Variants in DNAAF9 observed in about 807,000 individuals in gnomAD.
DNAAF9 encodes shulin.
In DNAAF9, 90 loss-of-function variants were observed where a neutral mutation model predicts 167.0. That is an observed-to-expected ratio of 0.54 (90% CI 0.45 to 0.64). The LOEUF (loss-of-function observed/expected upper bound fraction) is 0.64, where lower values mean the gene tolerates loss of function less well. Ranked by LOEUF, DNAAF9 falls within the 30% of genes least tolerant of loss-of-function variation. DNAAF9 has a pLI of 0.00. For missense variants in DNAAF9, 1,315 were observed against 1,442.2 expected (o/e 0.91, Z 1.43); for synonymous variants, 491 against 508.8 (o/e 0.96, Z 0.47).
chr20:3,395,174 T>C (rs866127072), intron 1 of DNAAF9, among the ~76,000 whole-genome samples: 3 of 149,210 alleles, frequency 2.0e-5, no homozygotes, highest in Middle Eastern at 3.4e-3. Flanking sequence ...GGTTTCACCG[T>C]GTTAGCCAGG....
Position 3,302,440 on chromosome 20 carries a change from C to T in DNAAF9, c.1782+2000G>A, listed in dbSNP as rs1022716044. On this transcript the variant is annotated intron_variant, in intron 21 of 36. Transcript: ENST00000252032. ...TGAACACCTTATTGTTGACTGCAGG[C>T]ACCCTACTGTGCAACAGAACACTAG... Among the ~76,000 whole-genome samples the T allele has an allele frequency of 3.3e-5, 5 of 152,144 alleles. No individual in the cohort carries two copies. The South Asian group carries it at 6.2e-4, about 19-fold the overall frequency.
chr20:3,262,531 G>A (rs557173849), intron 31 of DNAAF9, among the ~76,000 whole-genome samples: 47 of 152,272 alleles, frequency 3.1e-4, no homozygotes, highest in Admixed American at 5.2e-4. Flanking sequence ...TTACAGGTGT[G>A]AGCCACCACA....
At chr20:3,355,291 G>A (rs1473783347) in intron 7 of DNAAF9, among the ~76,000 whole-genome samples, 2 of 152,152 alleles carry the variant, frequency 1.3e-5, no homozygotes, top group Non-Finnish European at 2.9e-5. Flanking sequence ...TGTTTAAACA[G>A]AGGTTGGGTT....
At chr20:3,302,998 G>A (rs1189354493) in intron 21 of DNAAF9, among the ~76,000 whole-genome samples, 1 of 152,134 alleles carries the variant, frequency 6.6e-6, no homozygotes, top group Non-Finnish European at 1.5e-5. Context: ...CAGCACTTTG[G>A]GAGGCCGAGG....
intron 23 of DNAAF9, chr20:3,295,379 C>T (rs575047214): frequency 3.3e-4 from 65 of 199,326 alleles, no homozygotes; most frequent in Non-Finnish European, 5.3e-4. Context: ...GAGGTTTCAC[C>T]TTGTTGGCCA....
intron 7 of DNAAF9, among the ~76,000 whole-genome samples, chr20:3,353,639 C>A (rs1182907492): frequency 6.0e-5 from 6 of 99,802 alleles, no homozygotes; most frequent in Non-Finnish European, 9.7e-5. Flanking sequence ...CCGCACCACC[C>A]CCCCCCCCGC....
intron 17 of DNAAF9, among the ~76,000 whole-genome samples, chr20:3,317,494 C>T (rs2069525627): frequency 6.6e-6 from 1 of 151,926 alleles, no homozygotes; most frequent in Non-Finnish European, 1.5e-5. Context: ...AATTATCAGG[C>T]TCATTCTACC....
chr20:3,371,285 T>C (rs2083503468), intron 6 of DNAAF9, among the ~76,000 whole-genome samples: 2 of 150,516 alleles, frequency 1.3e-5, no homozygotes, highest in African/African-American at 2.4e-5. Context: ...TCCTAAAAAG[T>C]ACCAAAAAGA....
chr20:3,373,767 T>C (rs1416096177), intron 6 of DNAAF9, among the ~76,000 whole-genome samples: 3 of 152,000 alleles, frequency 2.0e-5, no homozygotes, highest in Admixed American at 1.3e-4. Context: ...GAAAAGTCAA[T>C]CTAGGGGGCT....
At chr20:3,297,889 G>C in intron 22 of DNAAF9, 140 bp downstream of exon 22, 1 of 681,284 alleles carries the variant, frequency 1.5e-6, no homozygotes, top group South Asian at 1.8e-5. Flanking sequence ...GGGATTAGAA[G>C]CAGTCACCCC....
chr20:3,350,889 T>C (rs2070309744), intron 7 of DNAAF9, among the ~76,000 whole-genome samples: 1 of 152,112 alleles, frequency 6.6e-6, no homozygotes, highest in African/African-American at 2.4e-5. Flanking sequence ...AAATACAATA[T>C]ACATATATAC....
At chr20:3,312,760 T>G (rs2069437209) in intron 20 of DNAAF9, among the ~76,000 whole-genome samples, 1 of 152,148 alleles carries the variant, frequency 6.6e-6, no homozygotes, top group Non-Finnish European at 1.5e-5. Context: ...CCACAAAACC[T>G]ACATCAGCTC....
At chr20:3,272,767 G>T (rs1441394206) in intron 29 of DNAAF9, among the ~76,000 whole-genome samples, 1 of 152,060 alleles carries the variant, frequency 6.6e-6, no homozygotes, top group African/African-American at 2.4e-5. Context: ...ACTTAAAAAA[G>T]ATTCAATGCT....
intron 29 of DNAAF9, among the ~76,000 whole-genome samples, chr20:3,271,364 G>A (rs1314469871): frequency 6.6e-6 from 1 of 152,030 alleles, no homozygotes; most frequent in Admixed American, 6.6e-5. Context: ...TTTTAGTCAC[G>A]TGGTAAGAAA....
At chr20:3,373,605 T>C (rs2083538173) in intron 6 of DNAAF9, among the ~76,000 whole-genome samples, 2 of 152,384 alleles carry the variant, frequency 1.3e-5, no homozygotes, top group South Asian at 4.1e-4. Flanking sequence ...TCTTGAATAG[T>C]TCTCAAATTA....
chr20:3,256,171 G>T lies in DNAAF9; in HGVS notation c.3096C>A (p.Ala1032=). Residue 1032 remains alanine, a synonymous_variant, in exon 34 of 37, where the codon GCC becomes GCA. Coordinates refer to ENST00000252032, the MANE Select transcript of DNAAF9 (RefSeq NM_001009984.3). ...RTMEVCYNTL[A]NSLSIMPVLE... is the part of the protein sequence containing the mutation. ...AAACTGGCATGATGCTCAAGGAGTT[G>T]GCCAGTGTGTTGTAGCAGACCTCCA... is the stretch of plus-strand genomic sequence containing the variant. 1 of 1,614,190 alleles carries T rather than the reference G, an allele frequency of 6.2e-7. No homozygotes were observed. Among genetic ancestry groups the T allele is most frequent in the Non-Finnish European group, 8.5e-7 (1 of 1,180,016 alleles).
At chr20:3,370,384 G>A (rs1460765142) in intron 6 of DNAAF9, among the ~76,000 whole-genome samples, 2 of 152,002 alleles carry the variant, frequency 1.3e-5, no homozygotes, top group East Asian at 3.9e-4. Flanking sequence ...AAGTAGGTGG[G>A]ACTGTAGGTA....
At chr20:3,344,949 G>A (rs1204650474) in intron 8 of DNAAF9, among the ~76,000 whole-genome samples, 1 of 152,106 alleles carries the variant, frequency 6.6e-6, no homozygotes, top group Non-Finnish European at 1.5e-5. Flanking sequence ...CATGTTCAGT[G>A]GCTATTTGGA....
At chr20:3,266,854 C>CT (rs2068499317) in intron 30 of DNAAF9, among the ~76,000 whole-genome samples, 1 of 139,128 alleles carries the variant, frequency 7.2e-6, no homozygotes, top group African/African-American at 2.8e-5. Context: ...CCCCCTTCCA[C>CT]CTTTTTTTTT....
Sources: allele counts gnomAD v4.1 joint callset (sites outside exome capture counted in the v4.1 genomes callset), GRCh38; gene constraint gnomAD v4.1.1; transcripts MANE v1.5; gene names NCBI Gene and HGNC (gene_info 2026-07-23, HGNC 2026-07-21).